The following BICC1 variants were observed in gnomAD, a reference collection of about 807,000 sequenced individuals.
The protein encoded by BICC1 is BicC family RNA binding protein 1, also known as protein bicaudal C homolog 1.
BICC1 carries 43 observed loss-of-function variants against 111.0 expected under a neutral mutation model. The ratio of observed to expected loss-of-function variants is 0.39; its 90% CI spans 0.30 to 0.50. The LOEUF is 0.50. Among genes scored for constraint, BICC1 ranks in the 20% least tolerant of loss-of-function variants. The probability of loss-of-function intolerance (pLI) is 0.88; values close to 1 mark genes in which losing one functional copy is unlikely to be tolerated. For synonymous variants in BICC1, 467 were observed against 434.4 expected (o/e 1.07, Z -0.93); for missense variants, 1,091 against 1,203.2 (o/e 0.91, Z 1.38).
At chr10:58,564,848 G>C (rs887364125) in intron 1 of BICC1, among the ~76,000 whole-genome samples, 3 of 152,098 alleles carry the variant, frequency 2.0e-5, no homozygotes, top group African/African-American at 7.2e-5. Flanking sequence ...TTGGCAATAA[G>C]TTAAAAATAT....
At chr10:58,590,256 C>T (rs1358478139) in intron 1 of BICC1, among the ~76,000 whole-genome samples, 1 of 152,086 alleles carries the variant, frequency 6.6e-6, no homozygotes, top group Admixed American at 6.5e-5. Context: ...GGACTAAGTG[C>T]CTATCCCTTG....
chr10:58,543,240 A>G (rs1234670057), intron 1 of BICC1, among the ~76,000 whole-genome samples: 2 of 152,162 alleles, frequency 1.3e-5, no homozygotes, highest in African/African-American at 4.8e-5. Context: ...GGAGGTCATC[A>G]TGCTAACTTA....
chr10:58,535,091 T>TA (rs1229662302), intron 1 of BICC1, among the ~76,000 whole-genome samples: 1 of 151,716 alleles, frequency 6.6e-6, no homozygotes, highest in African/African-American at 2.4e-5. Context: ...AATATGGGAT[T>TA]ATGCAAAACA....
At chr10:58,804,873 T>C (rs186477188) in intron 15 of BICC1, among the ~76,000 whole-genome samples, 52 of 152,346 alleles carry the variant, frequency 3.4e-4, no homozygotes, top group African/African-American at 1.1e-3. Flanking sequence ...CTTGGCCTGA[T>C]TTCCTTGGCT....
chr10:58,549,167 A>G (rs1843222861), intron 1 of BICC1, among the ~76,000 whole-genome samples: 1 of 151,762 alleles, frequency 6.6e-6, no homozygotes, highest in African/African-American at 2.4e-5. Context: ...TTCTCCTATG[A>G]ATAGTATTCT....
chr10:58,607,880 G>A (rs1845281297), intron 1 of BICC1, among the ~76,000 whole-genome samples: 1 of 152,152 alleles, frequency 6.6e-6, no homozygotes, highest in African/African-American at 2.4e-5. Flanking sequence ...ATTGGAATAT[G>A]ATGCCCTAGA....
At chr10:58,784,148 GATTA>G (rs1403139916) in intron 3 of BICC1, among the ~76,000 whole-genome samples, 1 of 151,818 alleles carries the variant, frequency 6.6e-6, no homozygotes, top group East Asian at 1.9e-4. Context: ...TGTATGTTCT[GATTA>G]ATTATTAATT....
At chr10:58,670,613 A>G (rs1489613630) in intron 2 of BICC1, among the ~76,000 whole-genome samples, 2 of 152,206 alleles carry the variant, frequency 1.3e-5, no homozygotes, top group Non-Finnish European at 2.9e-5. Flanking sequence ...CTTGAACAGT[A>G]GAGGGAATGG....
intron 3 of BICC1, among the ~76,000 whole-genome samples, chr10:58,770,928 T>A (rs1842607842): frequency 6.6e-6 from 1 of 152,244 alleles, no homozygotes. Flanking sequence ...TGGTAACTAT[T>A]GTCGTAATCC....
chr10:58,693,608 C>T (rs1839978767), intron 2 of BICC1, among the ~76,000 whole-genome samples: 1 of 151,738 alleles, frequency 6.6e-6, no homozygotes, highest in African/African-American at 2.4e-5. Context: ...TCTCTGATGG[C>T]CAGTGATGAT....
chr10:58,637,655 A>G (rs1274231897), intron 2 of BICC1, among the ~76,000 whole-genome samples: 2 of 152,228 alleles, frequency 1.3e-5, no homozygotes, highest in African/African-American at 4.8e-5. Flanking sequence ...TCTTACTGGT[A>G]TGAATAGTGG....
At chr10:58,676,979 T>C (rs1017530955) in intron 2 of BICC1, among the ~76,000 whole-genome samples, 7 of 151,968 alleles carry the variant, frequency 4.6e-5, no homozygotes, top group African/African-American at 1.7e-4. Context: ...GAAGGAAAAC[T>C]AACAAATAGA....
At chr10:58,806,297 T>G (rs143176402) in intron 15 of BICC1, among the ~76,000 whole-genome samples, 130 of 152,312 alleles carry the variant, frequency 8.5e-4, no homozygotes, top group East Asian at 6.9e-3. Context: ...GTGCTAGGTA[T>G]TTATGGTAAA....
At chr10:58,768,835 A>G (rs1391596336) in intron 3 of BICC1, among the ~76,000 whole-genome samples, 3 of 152,114 alleles carry the variant, frequency 2.0e-5, no homozygotes, top group South Asian at 2.1e-4. Flanking sequence ...CCATACCACT[A>G]TTGAAAATCA....
chr10:58,631,315 T>G (rs1837786073), intron 2 of BICC1, among the ~76,000 whole-genome samples: 1 of 152,160 alleles, frequency 6.6e-6, no homozygotes, highest in African/African-American at 2.4e-5. Context: ...GTATTAAATA[T>G]CCTAGTGTTA....
intron 1 of BICC1, among the ~76,000 whole-genome samples, chr10:58,545,184 A>G (rs1279758601): frequency 6.6e-5 from 10 of 152,172 alleles, no homozygotes; most frequent in Non-Finnish European, 1.5e-4. Context: ...CTATTATGCT[A>G]AGAATTCAGG....
intron 1 of BICC1, among the ~76,000 whole-genome samples, chr10:58,515,117 G>A (rs1004913752): frequency 6.6e-6 from 1 of 152,168 alleles, no homozygotes; most frequent in East Asian, 1.9e-4. Flanking sequence ...ATGAAATTTT[G>A]AGGAGACTTT....
In BICC1 at chr10:58,828,902, T is replaced by C. The variant is rs1844478224; in HGVS notation, c.*11T>C. ...AGTGGCCGCTGGTAGCAGCACCCTC[T>C]TGGCACATGCCCGCTGACTAACTGT... On this transcript the variant is annotated 3_prime_UTR_variant, in exon 21 of 21. Coordinates refer to ENST00000373886, the MANE Select transcript of BICC1 (RefSeq NM_001080512.3). The C allele has an allele frequency of 5.0e-6, 8 of 1,613,556 alleles. No homozygotes were observed. Among genetic ancestry groups the C allele is most frequent in the Non-Finnish European group, 6.8e-6 (8 of 1,179,644 alleles).
At chr10:58,642,666 TTTATTA>T (rs138889861) in intron 2 of BICC1, among the ~76,000 whole-genome samples, 332 of 148,268 alleles carry the variant, frequency 2.2e-3, no homozygotes, top group African/African-American at 8.0e-3. Context: ...ATATGAACCA[TTTATTA>T]TTATTATTAT....
Sources: allele counts gnomAD v4.1 joint callset (sites outside exome capture counted in the v4.1 genomes callset), GRCh38; gene constraint gnomAD v4.1.1; transcripts MANE v1.5; gene names NCBI Gene and HGNC (gene_info 2026-07-23, HGNC 2026-07-21).